ZNF423: variants seen among roughly 807,000 people sequenced by gnomAD.
ZNF423 encodes Ebf-associated zinc finger protein.
Under a neutral mutation model 95.8 loss-of-function variants are expected in ZNF423, and 12 were observed. The ratio of observed to expected loss-of-function variants is 0.13; its 90% CI spans 0.08 to 0.20. ZNF423 has a LOEUF of 0.20. Among genes scored for constraint, ZNF423 ranks in the 10% least tolerant of loss-of-function variants. The pLI is 1.00. For missense variants in ZNF423, 1,316 were observed against 1,737.1 expected, an observed-to-expected ratio of 0.76 and a Z score of 4.31; for synonymous variants, 749 against 711.9, an observed-to-expected ratio of 1.05 and a Z score of -0.83.
intron 1 of ZNF423, among the ~76,000 whole-genome samples, chr16:49,839,693 G>C (rs1211864383): frequency 6.6e-6 from 1 of 152,266 alleles, no homozygotes; most frequent in Non-Finnish European, 1.5e-5. Flanking sequence ...GAACAGAGCC[G>C]GGCCCCACCC....
chr16:49,721,452 G>A (rs537679598), intron 3 of ZNF423, among the ~76,000 whole-genome samples: 118 of 152,124 alleles, frequency 7.8e-4, no homozygotes, highest in African/African-American at 2.7e-3. Context: ...AGACCACACC[G>A]GGAACACATG....
At chr16:49,649,425 G>A (rs1173994432) in intron 3 of ZNF423, among the ~76,000 whole-genome samples, 1 of 152,102 alleles carries the variant, frequency 6.6e-6, no homozygotes, top group African/African-American at 2.4e-5. Flanking sequence ...TAAGTCTCAG[G>A]TGGTAGGTAT....
chr16:49,624,234 C>T (rs921849562), intron 5 of ZNF423, among the ~76,000 whole-genome samples: 1 of 151,910 alleles, frequency 6.6e-6, no homozygotes, highest in Admixed American at 6.6e-5. Flanking sequence ...ACAATAAAAT[C>T]ACATACATAT....
chr16:49,701,587 G>C (rs1470673935), intron 3 of ZNF423, among the ~76,000 whole-genome samples: 1 of 152,060 alleles, frequency 6.6e-6, no homozygotes, highest in African/African-American at 2.4e-5. Flanking sequence ...GAAGAGGGGA[G>C]ACCCAGGAGA....
At chr16:49,658,426 C>T (rs2030008531) in intron 3 of ZNF423, among the ~76,000 whole-genome samples, 1 of 152,256 alleles carries the variant, frequency 6.6e-6, no homozygotes, top group South Asian at 2.1e-4. Context: ...GGGCCCCACT[C>T]ACCCCTAAAC....
chr16:49,792,229 C>T (rs929573279), intron 1 of ZNF423, among the ~76,000 whole-genome samples: 7 of 152,166 alleles, frequency 4.6e-5, no homozygotes, highest in Admixed American at 1.3e-4. Flanking sequence ...TGCACACTTA[C>T]ACCCACTCAA....
At chr16:49,571,618 C>T (rs1051626992) in intron 5 of ZNF423, among the ~76,000 whole-genome samples, 11 of 152,138 alleles carry the variant, frequency 7.2e-5, no homozygotes, top group Non-Finnish European at 1.0e-4. Flanking sequence ...ACAATGGGAG[C>T]GACTGAAGGC....
chr16:49,742,970 C>T (rs1412061799), intron 2 of ZNF423, among the ~76,000 whole-genome samples: 3 of 152,108 alleles, frequency 2.0e-5, no homozygotes, highest in East Asian at 3.9e-4. Flanking sequence ...CTGTGCATTC[C>T]GGGCAAGGTG....
At chr16:49,794,086 G>A (rs953592246) in intron 1 of ZNF423, among the ~76,000 whole-genome samples, 3 of 151,970 alleles carry the variant, frequency 2.0e-5, no homozygotes, top group Non-Finnish European at 4.4e-5. Context: ...GTCTAGGCTG[G>A]AGTGCAGTGG....
chr16:49,615,246 A>G (rs1971839553), intron 5 of ZNF423, among the ~76,000 whole-genome samples: 1 of 152,184 alleles, frequency 6.6e-6, no homozygotes, highest in Admixed American at 6.5e-5. Context: ...GTTGCCAGGT[A>G]AAATACAGGA....
intron 7 of ZNF423, chr16:49,518,620 G>A: frequency 2.4e-6 from 1 of 408,946 alleles, no homozygotes; most frequent in Non-Finnish European, 4.7e-6. Flanking sequence ...TTTCTTCCCT[G>A]CAACTCCGAC....
At chr16:49,852,211 C>T (rs1252015318) in intron 1 of ZNF423, among the ~76,000 whole-genome samples, 1 of 151,530 alleles carries the variant, frequency 6.6e-6, no homozygotes, top group Non-Finnish European at 1.5e-5. Flanking sequence ...AAGGGAGTGC[C>T]GAGAGGTCAC....
intron 1 of ZNF423, among the ~76,000 whole-genome samples, chr16:49,832,304 G>A (rs1216764402): frequency 6.6e-6 from 1 of 152,312 alleles, no homozygotes; most frequent in East Asian, 1.9e-4. Context: ...CTGAAAAACA[G>A]ATTCTGAGCT....
chr16:49,694,504 C>T (rs190190477), intron 3 of ZNF423, among the ~76,000 whole-genome samples: 1 of 152,324 alleles, frequency 6.6e-6, no homozygotes, highest in East Asian at 1.9e-4. Context: ...GTAAAAACAT[C>T]CTGCCTCTGC....
intron 3 of ZNF423, among the ~76,000 whole-genome samples, chr16:49,713,068 T>A (rs1596902744): frequency 1.3e-5 from 2 of 152,336 alleles, no homozygotes; most frequent in South Asian, 4.1e-4. Context: ...GCGCTGGGCC[T>A]CCAGTCTGAC....
At chr16:49,599,404 C>A (rs1048645105) in intron 5 of ZNF423, among the ~76,000 whole-genome samples, 2 of 152,172 alleles carry the variant, frequency 1.3e-5, no homozygotes, top group Admixed American at 1.3e-4. Flanking sequence ...CTGTGCTGAG[C>A]ACTTGACCAT....
At position 49,636,484 on chromosome 16, in the gene ZNF423, T is replaced by C. The variant is rs776582341; in HGVS notation, c.2692A>G (p.Ile898Val). The C allele has an allele frequency of 6.2e-7, 1 of 1,613,642 alleles. No individual in the cohort carries two copies. Among genetic ancestry groups the C allele is most frequent in the Non-Finnish European group, 8.5e-7 (1 of 1,180,024 alleles). Residue 898 changes from isoleucine (I) to valine (V), a missense_variant, in exon 4 of 8, where the codon ATC becomes GTC. This residue lies in a region of ZNF423 where 620 missense variants were observed against 775.6 expected (regional missense o/e 0.80). Coordinates refer to ENST00000563137, the MANE Select transcript of ZNF423 (RefSeq NM_001379286.1). The surrounding 1 kb of genome is among the most constrained non-coding windows in gnomAD (Gnocchi z 8.6). ...TCCATGGTGTAGGCCGCCCCACAGA[T>C]GTCACAGCCGTACATGGGCTCCGAC... ...DASEPMYGCD[I>V]CGAAYTMEVL...
chr16:49,770,861 G>T (rs982807823), intron 2 of ZNF423, among the ~76,000 whole-genome samples: 5 of 152,198 alleles, frequency 3.3e-5, no homozygotes, highest in African/African-American at 1.2e-4. Flanking sequence ...CAAAGTTGTT[G>T]GTGGCCTCTG....
chr16:49,757,056 G>C (rs1280741282), intron 2 of ZNF423, among the ~76,000 whole-genome samples: 1 of 152,150 alleles, frequency 6.6e-6, no homozygotes, highest in Non-Finnish European at 1.5e-5. Flanking sequence ...AAGTGTTTTT[G>C]TTTTTCTTAT....
Sources: gnomAD v4.1 joint callset for allele counts (sites outside exome capture counted in the v4.1 genomes callset) on GRCh38, gnomAD v4.1.1 for gene constraint, gnomAD v4.1.1 regional missense constraint, Gnocchi (gnomAD v3.1) non-coding constraint, MANE v1.5 for transcripts, NCBI Gene and HGNC (gene_info 2026-07-23, HGNC 2026-07-21) for gene names.